Variants in CAPN1 observed in about 807,000 individuals in gnomAD.
The protein encoded by CAPN1 is calpain 1, also known as calpain-1 catalytic subunit.
A neutral mutation model predicts 105.2 loss-of-function variants in CAPN1; 77 were observed. The ratio of observed to expected loss-of-function variants is 0.73; its 90% CI spans 0.61 to 0.88. CAPN1 has a LOEUF of 0.88. Ranked by LOEUF, CAPN1 falls within the 40% of genes least tolerant of loss-of-function variation. The pLI is 0.00. For synonymous variants in CAPN1, 355 were observed against 388.8 expected (o/e 0.91, Z 1.02); for missense variants, 833 against 976.6 (o/e 0.85, Z 1.96).
intron 10 of CAPN1, among the ~76,000 whole-genome samples, chr11:65,202,286 C>A (rs1312127461): frequency 6.6e-6 from 1 of 152,158 alleles, no homozygotes; most frequent in African/African-American, 2.4e-5. Context: ...ATTTACCTTG[C>A]AGGGTTCCTA....
At chr11:65,181,676 C>A (rs1176025138), upstream of CAPN1, 1 of 341,768 alleles carries the variant, frequency 2.9e-6, no homozygotes. This position sits in a 1 kb window ranked among gnomAD's most constrained non-coding sequence, Gnocchi z 4.6. Context: ...CCAGCCCCCC[C>A]ATCCCCCCCC....
chr11:65,183,200 AG>A lies in CAPN1; in HGVS notation c.337+5del. On this transcript the variant is annotated splice_donor_region_variant and intron_variant, in intron 3 of 21. Transcript: ENST00000279247. Reference sequence around the variant, plus strand: ...AGACATCTGCCAGGGAGCACTGGGTAGGCCCCCAGGGCGTCGGGTCCCGGGT... The same window carrying A: ...AGACATCTGCCAGGGAGCACTGGGTAGCCCCCAGGGCGTCGGGTCCCGGGT... 6.2e-7 allele frequency: 1 copy of A among 1,613,702 alleles called. No individual in the cohort carries two copies. Among genetic ancestry groups the A allele is most frequent in the Non-Finnish European group, 8.5e-7 (1 of 1,179,636 alleles).
chr11:65,186,425 C>A, intron 6 of CAPN1, 87 bp downstream of exon 6: 2 of 1,194,334 alleles, frequency 1.7e-6, no homozygotes, highest in South Asian at 3.0e-5. Flanking sequence ...ACCCAGGCTC[C>A]GCTCCAGACC....
chr11:65,205,658 C>T, intron 11 of CAPN1, 52 bp from the exon 12 acceptor site: 1 of 1,599,846 alleles, frequency 6.3e-7, no homozygotes, highest in Non-Finnish European at 8.6e-7. Flanking sequence ...GCACTGTGAC[C>T]CCGCCCTGGG....
chr11:65,205,170 A>G (rs1288301708), intron 11 of CAPN1, among the ~76,000 whole-genome samples: 3 of 152,170 alleles, frequency 2.0e-5, no homozygotes, highest in Non-Finnish European at 4.4e-5. Context: ...GCCTGGGAGT[A>G]CTGAGCCCTC....
In CAPN1 at chr11:65,210,158, G is replaced by A; in HGVS notation, c.1942+62G>A. ...GGACAGGTAGCCCCACTGCTCCTAT[G>A]CCCCAGGCCCTTGTCCCTGGGGTGC... is the stretch of plus-strand genomic sequence containing the variant. On this transcript the variant is annotated intron_variant, in intron 19 of 21. Coordinates refer to ENST00000279247, the MANE Select transcript of CAPN1 (RefSeq NM_005186.4). This position sits in a 1 kb window ranked among gnomAD's most constrained non-coding sequence, Gnocchi z 4.3. 2 of 1,398,548 alleles carry A rather than the reference G, an allele frequency of 1.4e-6. No individual in the cohort carries two copies. Among genetic ancestry groups the A allele is most frequent in the African/African-American group, 1.4e-5 (1 of 70,336 alleles). 86.6% of individuals were successfully genotyped at this position (1,398,548 alleles called of 1,614,324 possible). A position where few individuals can be genotyped will look rare whatever the true frequency, so the allele number is the denominator to read the frequency against.
intron 6 of CAPN1, among the ~76,000 whole-genome samples, chr11:65,186,960 C>CAGTA (rs1948643028): frequency 6.6e-6 from 1 of 152,196 alleles, no homozygotes; most frequent in Non-Finnish European, 1.5e-5. Flanking sequence ...CAGCCCTGGC[C>CAGTA]AGTAGCAGTG....
At chr11:65,182,100 G>C (rs1049470168) in intron 1 of CAPN1, 87 bp downstream of exon 1, 2 of 154,126 alleles carry the variant, frequency 1.3e-5, no homozygotes, top group South Asian at 3.9e-4. Context: ...GTCCCTTCTC[G>C]GGGGCCTCTG....
At chr11:65,183,067 T>C in intron 2 of CAPN1, 61 bp from the exon 3 acceptor site, 2 of 1,609,938 alleles carry the variant, frequency 1.2e-6, no homozygotes, top group South Asian at 2.2e-5. Context: ...GGGTCTGGGG[T>C]GGCCTGGTGC....
chr11:65,186,772 G>A (rs1406965737), intron 6 of CAPN1, among the ~76,000 whole-genome samples: 5 of 151,794 alleles, frequency 3.3e-5, no homozygotes, highest in Admixed American at 2.6e-4. Context: ...AGTCCTCAAC[G>A]CCAGACTTGA....
rs779373969 is a variant in CAPN1, at chr11:65,186,261, C to T, written c.682C>T (p.Arg228Cys). Residue 228 changes from arginine (R) to cysteine (C), a missense_variant, in exon 6 of 22, where the codon CGC (arginine) becomes TGC (cysteine). Arg to Cys is a radical substitution (Grantham distance 180). Coordinates refer to ENST00000279247, the MANE Select transcript of CAPN1 (RefSeq NM_005186.4). ...CGGGGTTACCGAGTGGTACGAGTTG[C>T]GCAAGGCTCCCAGTGACCTCTACCA... ...TGGVTEWYEL[R>C]KAPSDLYQII... The T allele has an allele frequency of 2.5e-6, 4 of 1,613,478 alleles. No individual in the cohort carries two copies. The highest frequency in any genetic ancestry group is 2.2e-5 in the East Asian group (1 of 44,862).
rs1386618942 is a variant in CAPN1 at position 65,210,582 on chromosome 11, G to A, written c.2059+130G>A. 3 of 732,328 alleles carry A rather than the reference G, an allele frequency of 4.1e-6. No individual in the cohort carries two copies. Among genetic ancestry groups the A allele is most frequent in the African/African-American group, 3.5e-5 (2 of 57,462 alleles). The allele number at this position is 732,328 out of a possible 1,614,324, so 45.4% of individuals were successfully genotyped here. Reference sequence around the variant, plus strand: ...CTGTGGGTGTGTGCCAGAGAGGCCTGGGTCTGGGTTTGGGGGGCCCTGGCT... The same window carrying A: ...CTGTGGGTGTGTGCCAGAGAGGCCTAGGTCTGGGTTTGGGGGGCCCTGGCT... On this transcript the variant is annotated intron_variant, in intron 20 of 21. Transcript: ENST00000279247. This position sits in a 1 kb window ranked among gnomAD's most constrained non-coding sequence, Gnocchi z 4.3.
Position 65,208,538 on chromosome 11 carries a change from G to GGGA in CAPN1, c.1729+279_1729+281dup. The GGGA allele has an allele frequency of 3.8e-6, 2 of 525,498 alleles. No homozygotes were observed. Among genetic ancestry groups the GGGA allele is most frequent in the South Asian group, 4.1e-5 (2 of 48,724 alleles). 32.6% of individuals were successfully genotyped at this position (525,498 alleles called of 1,614,324 possible). A position where few individuals can be genotyped will look rare whatever the true frequency, so the allele number is the denominator to read the frequency against. ...CTCACACCTGTAGTCCCAACACTCTGGGAGGCCGAGGCAGGAGTCGCTTCA... is the reference window on the plus strand; with the variant it reads ...CTCACACCTGTAGTCCCAACACTCTGGGAGGAGGCCGAGGCAGGAGTCGCTTCA... On this transcript the variant is annotated intron_variant, in intron 16 of 21. Coordinates refer to ENST00000279247, the MANE Select transcript of CAPN1 (RefSeq NM_005186.4). The surrounding 1 kb of genome is among the most constrained non-coding windows in gnomAD (Gnocchi z 4.1).
At chr11:65,197,685 G>A (rs1313426410) in intron 10 of CAPN1, among the ~76,000 whole-genome samples, 6 of 151,934 alleles carry the variant, frequency 3.9e-5, no homozygotes, top group East Asian at 1.9e-4. Flanking sequence ...TCAGGAGTTC[G>A]AGACCAGCCT....
intron 10 of CAPN1, among the ~76,000 whole-genome samples, chr11:65,200,130 G>C (rs1948846667): frequency 6.6e-6 from 1 of 151,690 alleles, no homozygotes; most frequent in African/African-American, 2.4e-5. Context: ...GCTCACTTCA[G>C]CCTCGACCTC....
chr11:65,211,470 T>A lies in CAPN1; in HGVS notation c.*184T>A, dbSNP rs1590869465. 1 of 642,316 alleles carries A rather than the reference T, an allele frequency of 1.6e-6. No individual in the cohort carries two copies. Among genetic ancestry groups the A allele is most frequent in the Non-Finnish European group, 2.8e-6 (1 of 355,806 alleles). The allele number at this position is 642,316 out of a possible 1,614,324, so 39.8% of individuals were successfully genotyped here. A position where few individuals can be genotyped will look rare whatever the true frequency, so the allele number is the denominator to read the frequency against. Reference sequence around the variant, plus strand: ...TTCATCTGCTCCGGGCAGAACTGTGTGGCCCCTGCCTGTGCCAGCCATGGG... The same window carrying A: ...TTCATCTGCTCCGGGCAGAACTGTGAGGCCCCTGCCTGTGCCAGCCATGGG... On this transcript the variant is annotated 3_prime_UTR_variant, in exon 22 of 22. Coordinates refer to ENST00000279247, the MANE Select transcript of CAPN1 (RefSeq NM_005186.4).
Position 65,187,221 on chromosome 11 carries a change from A to G in CAPN1, c.766A>G (p.Ser256Gly). 2.5e-6 allele frequency: 4 copies of G among 1,612,242 alleles called. No individual in the cohort carries two copies. The highest frequency in any genetic ancestry group is 3.4e-6 in the Non-Finnish European group (4 of 1,179,042). The change falls in exon 7 of 22, where the codon AGC becomes GGC. Residue 256 changes from serine to glycine, a missense_variant. Transcript: ENST00000279247. The stretch of plus-strand genomic sequence containing the variant: ...TGTGTGCCTCTTTCTGCAGATCTCC[A>G]GCGTTCTAGACATGGAGGCCATCAC... Reference protein sequence around the residue: ...SLLGCSIDISSVLDMEAITFK... With the variant: ...SLLGCSIDISGVLDMEAITFK...
chr11:65,187,182 GCCACTGA>G, intron 6 of CAPN1, 26 bp from the exon 7 acceptor site: 2 of 1,550,998 alleles, frequency 1.3e-6, no homozygotes, highest in Non-Finnish European at 1.8e-6. Flanking sequence ...GGGGGACCTA[GCCACTGA>G]CCACAGTGTG....
chr11:65,196,373 A>G (rs913325889), intron 10 of CAPN1, among the ~76,000 whole-genome samples: 5 of 152,004 alleles, frequency 3.3e-5, no homozygotes, highest in Admixed American at 1.3e-4. Context: ...CATATATCAT[A>G]GTGGGACATA....
Sources: gnomAD v4.1 joint callset for allele counts (sites outside exome capture counted in the v4.1 genomes callset) on GRCh38, gnomAD v4.1.1 for gene constraint, Gnocchi (gnomAD v3.1) non-coding constraint, MANE v1.5 for transcripts, NCBI Gene and HGNC (gene_info 2026-07-23, HGNC 2026-07-21) for gene names.